The following COQ10A variants were observed in gnomAD, a reference collection of about 807,000 sequenced individuals.
COQ10A encodes the protein coenzyme Q-binding protein COQ10 homolog A, mitochondrial.
Under a neutral mutation model 26.1 loss-of-function variants are expected in COQ10A, and 25 were observed. The ratio of observed to expected loss-of-function variants is 0.96; its 90% CI spans 0.70 to 1.34. The LOEUF is 1.34. COQ10A is among the 40% of genes most tolerant of loss of function. COQ10A has a pLI of 0.00. For synonymous variants in COQ10A, 132 were observed against 124.0 expected (o/e 1.06, Z -0.43); for missense variants, 312 against 335.4 (o/e 0.93, Z 0.54).
intron 4 of COQ10A, 194 bp downstream of exon 4, chr12:56,269,755 G>A: frequency 7.1e-6 from 4 of 559,702 alleles, no homozygotes; most frequent in Non-Finnish European, 9.6e-6. Context: ...AGCCTCCCAA[G>A]TAGCTGGGAT....
At position 56,267,869 on chromosome 12, in the gene COQ10A, CCGTTCCTT is replaced by C. The variant is rs1169100964; in HGVS notation, c.212_219del (p.Arg71HisfsTer18). The C allele has an allele frequency of 6.2e-7, 1 of 1,614,074 alleles. No homozygotes were observed. The highest frequency in any genetic ancestry group is 1.3e-5 in the African/African-American group (1 of 74,924). On this transcript the variant is annotated frameshift_variant, in exon 2 of 5. Coordinates refer to ENST00000308197, the MANE Select transcript of COQ10A (RefSeq NM_144576.4). LOFTEE classifies it high-confidence loss of function. ...CGGCTGAGGCTGGCTTACCTTCGAG[CCGTTCCTT>C]CATGGGATTTGCTGCTCCCTTCACC... is the stretch of plus-strand genomic sequence containing the variant.
intron 4 of COQ10A, chr12:56,269,774 C>A (rs1467831611): frequency 3.7e-6 from 2 of 547,016 alleles, no homozygotes; most frequent in South Asian, 4.1e-5. Context: ...ATTACAGGAG[C>A]CTGCTACCAA....
rs778409779 is a variant in COQ10A at position 56,269,580 on chromosome 12, T to C, written c.576+19T>C. The C allele has an allele frequency of 6.5e-6, 10 of 1,546,454 alleles. No individual in the cohort carries two copies. The Admixed American group carries it at 1.3e-4, about 21-fold the overall frequency. On this transcript the variant is annotated intron_variant, in intron 4 of 4. Transcript: ENST00000308197. Reference sequence around the variant, plus strand: ...CTTTTCGGTGAGTCAGGAGGTTGTGTAGCAGAGGACGAGGACTGGGTATGA... The same window carrying C: ...CTTTTCGGTGAGTCAGGAGGTTGTGCAGCAGAGGACGAGGACTGGGTATGA...
In COQ10A at chr12:56,269,376, AAAG is replaced by A. The variant is rs1472369335; in HGVS notation, c.475-80_475-78del. ...TGTCAAGTATTTCCCTCATATCAGA[AAAG>A]AAGGAAAATGGCTTTCAATTCCTTT... is the stretch of plus-strand genomic sequence containing the variant. On this transcript the variant is annotated intron_variant, in intron 3 of 4. Transcript: ENST00000308197. 4.1e-6 allele frequency: 6 copies of A among 1,475,010 alleles called. No homozygotes were observed. In the African/African-American group the frequency reaches 4.2e-5, roughly 10 times the overall value. The allele number at this position is 1,475,010 out of a possible 1,614,324, so 91.4% of individuals were successfully genotyped here. A position where few individuals can be genotyped will look rare whatever the true frequency, so the allele number is the denominator to read the frequency against.
chr12:56,267,480 C>G (rs763817656), intron 1 of COQ10A: 2 of 1,609,778 alleles, frequency 1.2e-6, no homozygotes, highest in Non-Finnish European at 1.7e-6. Context: ...CCTGGGGTCC[C>G]CGGGGACAGT....
rs1236383634 is a variant in COQ10A at position 56,266,943 on chromosome 12, G to T, written c.-176G>T. ...TGCGGGAGCAGCGGTCCCGGCTTCA[G>T]TTCTAGCCTACCCGGCAGCCTGGAC... is the stretch of plus-strand genomic sequence containing the variant. On this transcript the variant is annotated 5_prime_UTR_variant, in exon 1 of 5. Transcript: ENST00000308197. 1 of 566,108 alleles carries T rather than the reference G, an allele frequency of 1.8e-6. No individual in the cohort carries two copies. Among genetic ancestry groups the T allele is most frequent in the Non-Finnish European group, 2.5e-6 (1 of 394,000 alleles). The allele number at this position is 566,108 out of a possible 1,614,324, so 35.1% of individuals were successfully genotyped here.
Position 56,267,043 on chromosome 12 carries a change from C to G in COQ10A, c.-76C>G, listed in dbSNP as rs1030444530. The G allele has an allele frequency of 3.3e-6, 4 of 1,213,918 alleles. No homozygotes were observed. The African/African-American group carries it at 6.4e-5, about 19-fold the overall frequency. The allele number at this position is 1,213,918 out of a possible 1,614,324, so 75.2% of individuals were successfully genotyped here. A position where few individuals can be genotyped will look rare whatever the true frequency, so the allele number is the denominator to read the frequency against. On this transcript the variant is annotated 5_prime_UTR_variant, in exon 1 of 5. Coordinates refer to ENST00000308197, the MANE Select transcript of COQ10A (RefSeq NM_144576.4). ...GGTCCCGAACCAGCCCAGCCGCTGC[C>G]TCTTGCCGCTCCGCCTTTGGAGTGA...
Position 56,269,494 on chromosome 12 carries a change from T to A in COQ10A, c.509T>A (p.Leu170Ter). ...ACTGATGGCAAGCTCTTCAACCACTTAGAGACTATTTGGCGATTCAGCCCT... is the reference window on the plus strand; with the variant it reads ...ACTGATGGCAAGCTCTTCAACCACTAAGAGACTATTTGGCGATTCAGCCCT... ...VCTDGKLFNH[L>*]ETIWRFSPGI... is the part of the protein sequence containing the mutation. Residue 170 changes from leucine (L) to a stop codon, truncating the protein, a stop_gained, in exon 4 of 5, where the codon TTA (leucine) becomes TAA (stop). Transcript: ENST00000308197. LOFTEE classifies it high-confidence loss of function. The A allele has an allele frequency of 6.2e-7, 1 of 1,614,204 alleles. No homozygotes were observed. The highest frequency in any genetic ancestry group is 8.5e-7 in the Non-Finnish European group (1 of 1,180,022).
At chr12:56,269,857 C>A (rs1048979730) in intron 4 of COQ10A, 1 of 521,350 alleles carries the variant, frequency 1.9e-6, no homozygotes, top group African/African-American at 1.9e-5. Flanking sequence ...AAACTCCTGG[C>A]CTCAGGTGAT....
intron 4 of COQ10A, among the ~76,000 whole-genome samples, 154 bp downstream of exon 4, chr12:56,269,715 C>T (rs1229021988): frequency 6.6e-6 from 1 of 152,176 alleles, no homozygotes; most frequent in African/African-American, 2.4e-5. Context: ...GCAACCTCCA[C>T]CTTCTGGGTT....
At chr12:56,269,984 T>C (rs1872464497) in intron 4 of COQ10A, 166 bp from the exon 5 acceptor site, 1 of 672,320 alleles carries the variant, frequency 1.5e-6, no homozygotes, top group Non-Finnish European at 2.6e-6. Flanking sequence ...TCTGAGCTTG[T>C]GTCAGACTCG....
chr12:56,270,357 C>T lies in COQ10A; in HGVS notation c.*40C>T, dbSNP rs1872481566. On this transcript the variant is annotated 3_prime_UTR_variant, in exon 5 of 5. Coordinates refer to ENST00000308197, the MANE Select transcript of COQ10A (RefSeq NM_144576.4). The stretch of plus-strand genomic sequence containing the variant: ...CCCTGACCTCCCTTCTACCCCACTT[C>T]CCTACACAATTCTCTTATTTATTTG... 2 of 1,579,812 alleles carry T rather than the reference C, an allele frequency of 1.3e-6. No homozygotes were observed. The highest frequency in any genetic ancestry group is 1.4e-5 in the African/African-American group (1 of 73,976).
In COQ10A at chr12:56,270,576, A is replaced by G. The variant is rs1456003130; in HGVS notation, c.*259A>G. Reference sequence around the variant, plus strand: ...ACCATATGCCTGCAGCCTTTTCACTACGAATTAGAATAAGGACTATGTGGT... The same window carrying G: ...ACCATATGCCTGCAGCCTTTTCACTGCGAATTAGAATAAGGACTATGTGGT... On this transcript the variant is annotated 3_prime_UTR_variant, in exon 5 of 5. Transcript: ENST00000308197. 2.4e-6 allele frequency: 1 copy of G among 421,568 alleles called. No individual in the cohort carries two copies. Among genetic ancestry groups the G allele is most frequent in the Non-Finnish European group, 4.3e-6 (1 of 233,808 alleles). The allele number at this position is 421,568 out of a possible 1,614,324, so 26.1% of individuals were successfully genotyped here.
At position 56,270,260 on chromosome 12, in the gene COQ10A, T is replaced by C; in HGVS notation, c.687T>C (p.Phe229=). 1 of 1,614,166 alleles carries C rather than the reference T, an allele frequency of 6.2e-7. No homozygotes were observed. The highest frequency in any genetic ancestry group is 8.5e-7 in the Non-Finnish European group (1 of 1,180,024). Residue 229 remains phenylalanine, a synonymous_variant, in exon 5 of 5, where the codon TTT becomes TTC. Coordinates refer to ENST00000308197, the MANE Select transcript of COQ10A (RefSeq NM_144576.4). ...AAFERRAATK[F]GPETAIPREL... is the part of the protein sequence containing the mutation. ...TTGAGCGTCGGGCAGCCACCAAGTT[T>C]GGTCCAGAAACAGCCATCCCCCGTG...
At chr12:56,268,470 G>C (rs1372481418) in intron 2 of COQ10A, 1 of 160,936 alleles carries the variant, frequency 6.2e-6, no homozygotes, top group African/African-American at 2.4e-5. Context: ...GACAGAGCAA[G>C]ACTGTCTCAA....
At chr12:56,268,040 C>T in intron 2 of COQ10A, 100 bp downstream of exon 2, 1 of 1,405,030 alleles carries the variant, frequency 7.1e-7, no homozygotes, top group Non-Finnish European at 9.8e-7. Context: ...CAAGATTCAT[C>T]CCTAGCCATC....
intron 1 of COQ10A, chr12:56,267,476 G>T (rs775261185): frequency 6.2e-6 from 10 of 1,612,026 alleles, no homozygotes; most frequent in Non-Finnish European, 8.5e-6. Context: ...GCGCCCTGGG[G>T]TCCCCGGGGA....
In COQ10A at chr12:56,267,039, C is replaced by A; in HGVS notation, c.-80C>A. ...CAGAGGTCCCGAACCAGCCCAGCCG[C>A]TGCCTCTTGCCGCTCCGCCTTTGGA... On this transcript the variant is annotated 5_prime_UTR_variant, in exon 1 of 5. In the 5' UTR this introduces an upstream ATG that the reference lacks. Transcript: ENST00000308197. The A allele has an allele frequency of 8.3e-7, 1 of 1,208,642 alleles. No homozygotes were observed. Among genetic ancestry groups the A allele is most frequent in the Non-Finnish European group, 1.0e-6 (1 of 971,390 alleles). 74.9% of individuals were successfully genotyped at this position (1,208,642 alleles called of 1,614,324 possible).
chr12:56,270,049 G>A, intron 4 of COQ10A, 101 bp from the exon 5 acceptor site: 1 of 1,197,264 alleles, frequency 8.4e-7, no homozygotes, highest in Non-Finnish European at 1.2e-6. Flanking sequence ...GAACTGGATG[G>A]GGAGGGGGAG....
Sources: gnomAD v4.1 joint callset for allele counts (sites outside exome capture counted in the v4.1 genomes callset) on GRCh38, gnomAD v4.1.1 for gene constraint, MANE v1.5 for transcripts, NCBI Gene and HGNC (gene_info 2026-07-23, HGNC 2026-07-21) for gene names.